NARS2: variants seen among roughly 807,000 people sequenced by gnomAD.
NARS2 encodes asparaginyl-tRNA synthetase 2, mitochondrial, also known as asparaginyl-tRNA synthetase.
NARS2 carries 60 observed loss-of-function variants against 62.9 expected under a neutral mutation model. That is an observed-to-expected ratio of 0.95 (90% CI 0.77 to 1.18). NARS2 has a LOEUF of 1.18. NARS2 is among the 50% of genes most tolerant of loss of function. The probability of loss-of-function intolerance (pLI) is 0.00; values close to 1 mark genes in which losing one functional copy is unlikely to be tolerated. For synonymous variants in NARS2, 196 were observed against 200.0 expected, an observed-to-expected ratio of 0.98 and a Z score of 0.17; for missense variants, 619 against 576.4, an observed-to-expected ratio of 1.07 and a Z score of -0.76.
chr11:78,480,119 C>T (rs144409556), intron 7 of NARS2, among the ~76,000 whole-genome samples: 4 of 152,056 alleles, frequency 2.6e-5, no homozygotes, highest in South Asian at 2.1e-4. Context: ...AGACTGGTCT[C>T]GAACTCCTAA....
chr11:78,535,438 TATTC>T (rs1265564963), intron 5 of NARS2, among the ~76,000 whole-genome samples: 6 of 152,228 alleles, frequency 3.9e-5, no homozygotes, highest in Admixed American at 1.3e-4. Flanking sequence ...TCAGAATTCT[TATTC>T]ATTATAAAAA....
At chr11:78,506,607 T>C (rs1224998658) in intron 6 of NARS2, among the ~76,000 whole-genome samples, 1 of 152,204 alleles carries the variant, frequency 6.6e-6, no homozygotes, top group African/African-American at 2.4e-5. Flanking sequence ...CAATCTCAGC[T>C]CACTGCTACA....
At chr11:78,454,808 C>G (rs1858100412) in intron 11 of NARS2, among the ~76,000 whole-genome samples, 1 of 151,940 alleles carries the variant, frequency 6.6e-6, no homozygotes. Context: ...TTAGTAGAGA[C>G]AGGTTTCACC....
chr11:78,543,394 T>C (rs189515300), intron 5 of NARS2, among the ~76,000 whole-genome samples: 14 of 152,316 alleles, frequency 9.2e-5, no homozygotes, highest in African/African-American at 3.4e-4. Context: ...TTAGATGGTA[T>C]TGGCCCTAAA....
chr11:78,567,299 A>G (rs1856775741), intron 3 of NARS2, among the ~76,000 whole-genome samples: 1 of 152,226 alleles, frequency 6.6e-6, no homozygotes, highest in East Asian at 1.9e-4. Flanking sequence ...CAGGTAGTGT[A>G]TAAAGTACAG....
intron 5 of NARS2, among the ~76,000 whole-genome samples, chr11:78,530,496 CAG>C (rs1861437872): frequency 6.6e-6 from 1 of 152,080 alleles, no homozygotes; most frequent in African/African-American, 2.4e-5. Context: ...ATTTTTGAGA[CAG>C]AGTCTCACAC....
intron 6 of NARS2, among the ~76,000 whole-genome samples, chr11:78,503,736 CA>C (rs1360889178): frequency 1.3e-5 from 2 of 152,116 alleles, no homozygotes; most frequent in African/African-American, 4.8e-5. Flanking sequence ...AAGGAACCAT[CA>C]AAAAGTAGAA....
At chr11:78,523,149 T>C (rs1861187381) in intron 6 of NARS2, among the ~76,000 whole-genome samples, 1 of 152,076 alleles carries the variant, frequency 6.6e-6, no homozygotes, top group Non-Finnish European at 1.5e-5. Flanking sequence ...CCAAATAAAA[T>C]ACATACAAAT....
intron 5 of NARS2, among the ~76,000 whole-genome samples, chr11:78,535,500 C>T (rs1055185105): frequency 6.6e-6 from 1 of 151,982 alleles, no homozygotes; most frequent in African/African-American, 2.4e-5. Flanking sequence ...CATTGTCTCA[C>T]ACTTCTTATT....
chr11:78,458,627 C>T (rs1054850381), intron 11 of NARS2, among the ~76,000 whole-genome samples: 2 of 152,210 alleles, frequency 1.3e-5, no homozygotes, highest in South Asian at 2.1e-4. Flanking sequence ...ACTCACTACT[C>T]GTCGACAGTG....
At chr11:78,510,402 T>C (rs939987861) in intron 6 of NARS2, among the ~76,000 whole-genome samples, 1 of 152,192 alleles carries the variant, frequency 6.6e-6, no homozygotes, top group African/African-American at 2.4e-5. Flanking sequence ...TATGCATTAA[T>C]AGGTTCAATA....
intron 10 of NARS2, among the ~76,000 whole-genome samples, chr11:78,469,038 A>G (rs1017711465): frequency 6.6e-6 from 1 of 152,206 alleles, no homozygotes; most frequent in South Asian, 2.1e-4. Context: ...AAATGATAAA[A>G]TTTATTTTTA....
intron 13 of NARS2, among the ~76,000 whole-genome samples, chr11:78,437,817 A>G (rs989935665): frequency 7.2e-5 from 11 of 151,962 alleles, no homozygotes; most frequent in African/African-American, 2.7e-4. Flanking sequence ...TCTACTAAAA[A>G]TAGGAAAATT....
chr11:78,505,313 CACACACACACAT>C (rs1380038417), intron 6 of NARS2, among the ~76,000 whole-genome samples: 115 of 118,156 alleles, frequency 9.7e-4, no homozygotes, highest in Non-Finnish European at 1.5e-3. Context: ...CACACACACA[CACACACACACAT>C]ACGTATGTAT....
At chr11:78,558,705 C>CT (rs1856453129) in intron 5 of NARS2, 1 of 152,124 alleles carries the variant, frequency 6.6e-6, no homozygotes, top group Non-Finnish European at 1.5e-5. Flanking sequence ...CTGACAATGC[C>CT]TGGCATATAC....
chr11:78,459,207 G>A (rs543978643), intron 11 of NARS2, among the ~76,000 whole-genome samples: 19 of 150,350 alleles, frequency 1.3e-4, no homozygotes, highest in South Asian at 6.3e-4. Flanking sequence ...GAGCCACGGC[G>A]CCGGTCAATC....
intron 7 of NARS2, among the ~76,000 whole-genome samples, chr11:78,483,929 C>T (rs1415396865): frequency 6.6e-6 from 1 of 152,100 alleles, no homozygotes; most frequent in Non-Finnish European, 1.5e-5. Flanking sequence ...CCTGTATAGC[C>T]AAGATAATCC....
intron 2 of NARS2, among the ~76,000 whole-genome samples, 178 bp from the exon 3 acceptor site, chr11:78,568,930 A>G (rs1856828928): frequency 6.6e-6 from 1 of 152,202 alleles, no homozygotes. Flanking sequence ...AAAGTTATAA[A>G]ATGAATTCCA....
chr11:78,484,787 G>A (rs1016601301), intron 7 of NARS2, among the ~76,000 whole-genome samples: 2 of 152,180 alleles, frequency 1.3e-5, no homozygotes, highest in Non-Finnish European at 2.9e-5. Flanking sequence ...CTGTTGGTGG[G>A]AGTGTCAATT....
Sources: allele counts gnomAD v4.1 joint callset (sites outside exome capture counted in the v4.1 genomes callset), GRCh38; gene constraint gnomAD v4.1.1; transcripts MANE v1.5; gene names NCBI Gene and HGNC (gene_info 2026-07-23, HGNC 2026-07-21).